PPP2R5C: variants seen among roughly 807,000 people sequenced by gnomAD.
PPP2R5C encodes serine/threonine-protein phosphatase 2A 56 kDa regulatory subunit gamma isoform.
In PPP2R5C, 7 loss-of-function variants were observed where a neutral mutation model predicts 68.9. That is an observed-to-expected ratio of 0.10 (90% CI 0.06 to 0.19). PPP2R5C has a LOEUF of 0.19. Ranked by LOEUF, PPP2R5C falls within the 10% of genes least tolerant of loss-of-function variation. The pLI is 1.00. For missense variants in PPP2R5C, 348 were observed against 641.3 expected, an observed-to-expected ratio of 0.54 and a Z score of 4.94; for synonymous variants, 210 against 222.2, an observed-to-expected ratio of 0.95 and a Z score of 0.49.
intron 2 of PPP2R5C, among the ~76,000 whole-genome samples, chr14:101,763,806 C>G (rs1224606005): frequency 1.3e-5 from 2 of 152,246 alleles, no homozygotes; most frequent in Non-Finnish European, 1.5e-5. Context: ...TCCCCACCGC[C>G]ACTTCCATTG....
chr14:101,896,729 A>T (rs111803331), intron 8 of PPP2R5C, among the ~76,000 whole-genome samples: 1,581 of 148,694 alleles, frequency 0.011, 32 homozygotes, highest in African/African-American at 0.037. Context: ...TTTTTTAATT[A>T]TTTGAGTATC....
At chr14:101,793,621 A>G (rs2038469824) in intron 3 of PPP2R5C, among the ~76,000 whole-genome samples, 1 of 152,182 alleles carries the variant, frequency 6.6e-6, no homozygotes, top group Non-Finnish European at 1.5e-5. Context: ...AGCCCCAGAG[A>G]AAGTGTTGCA....
chr14:101,919,969 C>CAAAA (rs34641396), intron 13 of PPP2R5C, among the ~76,000 whole-genome samples: 796 of 52,730 alleles, frequency 0.015, 20 homozygotes, highest in African/African-American at 0.038. Flanking sequence ...AACTCCGTCT[C>CAAAA]AAAAAAAAAA....
intron 3 of PPP2R5C, among the ~76,000 whole-genome samples, chr14:101,796,019 C>T (rs2038590826): frequency 6.6e-6 from 1 of 152,026 alleles, no homozygotes; most frequent in South Asian, 2.1e-4. Context: ...GACGGGGTTC[C>T]ACCATGTTGC....
rs1296482069 is a variant in PPP2R5C, at chr14:101,785,968, A to G, written c.94-50A>G. The G allele has an allele frequency of 4.1e-6, 6 of 1,457,830 alleles. No individual in the cohort carries two copies. In the East Asian group the frequency reaches 1.0e-4, roughly 25 times the overall value. The allele number at this position is 1,457,830 out of a possible 1,614,324, so 90.3% of individuals were successfully genotyped here. A position where few individuals can be genotyped will look rare whatever the true frequency, so the allele number is the denominator to read the frequency against. On this transcript the variant is annotated intron_variant, in intron 2 of 14. Transcript: ENST00000328724. Reference sequence around the variant, plus strand: ...TTTTTCTATATTTTAATAGTGCTACAAAATACAACCATTGTACATATTCAT... The same window carrying G: ...TTTTTCTATATTTTAATAGTGCTACGAAATACAACCATTGTACATATTCAT...
intron 2 of PPP2R5C, chr14:101,766,839 A>G (rs2036885030): frequency 6.6e-6 from 1 of 152,220 alleles, no homozygotes; most frequent in South Asian, 2.1e-4. Flanking sequence ...GTGGAAACAT[A>G]ACTAGGCACA....
chr14:101,773,929 A>G (rs1010592192), intron 2 of PPP2R5C, among the ~76,000 whole-genome samples: 1 of 152,184 alleles, frequency 6.6e-6, no homozygotes, highest in Non-Finnish European at 1.5e-5. Context: ...TCCTGGCCTC[A>G]AGCGATCCTC....
intron 1 of PPP2R5C, among the ~76,000 whole-genome samples, chr14:101,848,254 C>T (rs549797106): frequency 5.5e-4 from 84 of 152,090 alleles, no homozygotes; most frequent in African/African-American, 2.0e-3. Context: ...GTTGGGGGGC[C>T]GGGCGTGGTG....
Position 101,837,799 on chromosome 14 carries a change from A to T in PPP2R5C, c.95-18887A>T, listed in dbSNP as rs2140389717. On this transcript the variant is annotated intron_variant, in intron 1 of 13. Transcript: ENST00000334743. ...AGCACTATTCTAAGCATGTACATTT[A>T]TTATGTCACTCACTCCTCACAGTCC... Among the ~76,000 whole-genome samples, 3 of 152,342 alleles carry T rather than the reference A, an allele frequency of 2.0e-5. No individual in the cohort carries two copies. The South Asian group carries it at 6.2e-4, about 32-fold the overall frequency.
chr14:101,802,349 T>C (rs1289247386), intron 3 of PPP2R5C, among the ~76,000 whole-genome samples: 1 of 152,064 alleles, frequency 6.6e-6, no homozygotes, highest in Admixed American at 6.5e-5. Flanking sequence ...GAGGCGGAGA[T>C]TGCAGTGAGC....
intron 5 of PPP2R5C, among the ~76,000 whole-genome samples, chr14:101,885,266 G>A (rs2140915346): frequency 6.6e-6 from 1 of 152,338 alleles, no homozygotes; most frequent in Admixed American, 6.5e-5. Flanking sequence ...ATCTGAGACA[G>A]ACAGATGGCA....
chr14:101,860,417 C>T (rs1247411196), intron 2 of PPP2R5C, among the ~76,000 whole-genome samples: 3 of 152,150 alleles, frequency 2.0e-5, no homozygotes, highest in Admixed American at 1.3e-4. Context: ...AGATATACTA[C>T]GTTTTATTTA....
At chr14:101,900,623 ATAT>A (rs1224164438) in intron 8 of PPP2R5C, among the ~76,000 whole-genome samples, 8 of 152,386 alleles carry the variant, frequency 5.2e-5, no homozygotes, top group African/African-American at 1.7e-4. Context: ...AACTCTAAAA[ATAT>A]TATGAAATCT....
chr14:101,788,318 G>A (rs1435262472), intron 3 of PPP2R5C, among the ~76,000 whole-genome samples: 4 of 152,202 alleles, frequency 2.6e-5, no homozygotes, highest in African/African-American at 4.8e-5. Flanking sequence ...TTCTCCTTAA[G>A]ATGTTAAGAT....
intron 1 of PPP2R5C, among the ~76,000 whole-genome samples, chr14:101,828,845 T>G (rs2040560349): frequency 6.6e-6 from 1 of 151,978 alleles, no homozygotes; most frequent in Non-Finnish European, 1.5e-5. Context: ...GCCTGGTTAA[T>G]TTTTTGTATT....
intron 2 of PPP2R5C, among the ~76,000 whole-genome samples, chr14:101,763,670 C>G (rs1007188903): frequency 1.3e-5 from 2 of 152,160 alleles, no homozygotes; most frequent in African/African-American, 4.8e-5. Flanking sequence ...CCTGAGCCAC[C>G]GTGCCCATCC....
At chr14:101,858,990 C>T (rs2042599373) in intron 2 of PPP2R5C, among the ~76,000 whole-genome samples, 2 of 152,314 alleles carry the variant, frequency 1.3e-5, no homozygotes, top group Non-Finnish European at 2.9e-5. Context: ...CTCTCCCTGT[C>T]ATAATTGTTT....
At chr14:101,762,383 C>T (rs986978917) in intron 1 of PPP2R5C, among the ~76,000 whole-genome samples, 1 of 152,088 alleles carries the variant, frequency 6.6e-6, no homozygotes, top group African/African-American at 2.4e-5. Context: ...GAGAAGGGAC[C>T]CCGCTGAGAG....
At chr14:101,884,181 G>A (rs1395572931) in intron 5 of PPP2R5C, among the ~76,000 whole-genome samples, 2 of 152,238 alleles carry the variant, frequency 1.3e-5, no homozygotes, top group Non-Finnish European at 2.9e-5. Flanking sequence ...CAGCACAGGA[G>A]AAAGATGGAG....
Sources: gnomAD v4.1 joint callset for allele counts (sites outside exome capture counted in the v4.1 genomes callset) on GRCh38, gnomAD v4.1.1 for gene constraint, MANE v1.5 for transcripts, NCBI Gene and HGNC (gene_info 2026-07-23, HGNC 2026-07-21) for gene names.